PXMP2: variants seen among roughly 807,000 people sequenced by gnomAD.
The protein encoded by PXMP2 is 22 kDa peroxisomal membrane protein.
PXMP2 carries 13 observed loss-of-function variants against 20.2 expected under a neutral mutation model. The observed-to-expected ratio is 0.64, with a 90% CI of 0.42 to 1.02. The LOEUF is 1.02. PXMP2 is among the 50% of genes least tolerant of loss of function. PXMP2 has a pLI of 0.00. For synonymous variants in PXMP2, 113 were observed against 111.2 expected, an observed-to-expected ratio of 1.02 and a Z score of -0.10; for missense variants, 284 against 251.8, an observed-to-expected ratio of 1.13 and a Z score of -0.87.
At chr12:132,695,499 TA>T (rs1386713271) in intron 2 of PXMP2, among the ~76,000 whole-genome samples, 1 of 152,156 alleles carries the variant, frequency 6.6e-6, no homozygotes, top group Non-Finnish European at 1.5e-5. Flanking sequence ...GCCTGCCTTC[TA>T]GGGGGGACGA....
chr12:132,694,360 G>T (rs576868092), intron 2 of PXMP2, among the ~76,000 whole-genome samples: 3 of 73,962 alleles, frequency 4.1e-5, no homozygotes, highest in Non-Finnish European at 5.9e-5. Flanking sequence ...GTTAGTGAGC[G>T]CCCTTGCCAG....
chr12:132,704,519 G>T, intron 4 of PXMP2, 100 bp from the exon 5 acceptor site: 1 of 970,014 alleles, frequency 1.0e-6, no homozygotes. Context: ...TGGACCAGCT[G>T]ACCAACAAAC....
intron 3 of PXMP2, among the ~76,000 whole-genome samples, chr12:132,699,062 G>A (rs2043424975): frequency 6.6e-6 from 1 of 152,164 alleles, no homozygotes; most frequent in Admixed American, 6.5e-5. Context: ...CAAGTAGTCA[G>A]TGGTGATTTT....
chr12:132,703,330 G>A (rs2043453150), intron 4 of PXMP2, among the ~76,000 whole-genome samples: 1 of 152,212 alleles, frequency 6.6e-6, no homozygotes, highest in Non-Finnish European at 1.5e-5. Flanking sequence ...AGAAGGCTGG[G>A]TGGCAGAGGG....
rs957837971 is a variant in PXMP2 at position 132,687,958 on chromosome 12, C to T, written c.122+166C>T. ...CGGCGCTGAACTTCCCGCGGCGACA[C>T]CCGCGTCCGCAGTCAGCGATTGTGA... On this transcript the variant is annotated intron_variant, in intron 1 of 4. Coordinates refer to ENST00000317479, the MANE Select transcript of PXMP2 (RefSeq NM_018663.3). 8 of 628,206 alleles carry T rather than the reference C, an allele frequency of 1.3e-5. No homozygotes were observed. The African/African-American group carries it at 1.4e-4, about 11-fold the overall frequency. 38.9% of individuals were successfully genotyped at this position (628,206 alleles called of 1,614,324 possible). A position where few individuals can be genotyped will look rare whatever the true frequency, so the allele number is the denominator to read the frequency against.
At chr12:132,701,142 A>C (rs2043437553) in intron 3 of PXMP2, 108 bp from the exon 4 acceptor site, 18 of 1,502,740 alleles carry the variant, frequency 1.2e-5, no homozygotes, top group Non-Finnish European at 1.6e-5. Context: ...TACACACAGA[A>C]CAAAATCCAA....
At chr12:132,687,952 G>T in intron 1 of PXMP2, 160 bp downstream of exon 1, 1 of 660,098 alleles carries the variant, frequency 1.5e-6, no homozygotes. Context: ...ACTTCCCGCG[G>T]CGACACCCGC....
At chr12:132,700,995 C>T (rs944405309) in intron 3 of PXMP2, among the ~76,000 whole-genome samples, 4 of 152,074 alleles carry the variant, frequency 2.6e-5, no homozygotes, top group South Asian at 2.1e-4. Context: ...TCCAGTTGTC[C>T]GCAAGGAGTT....
At chr12:132,693,987 T>G (rs147613379) in intron 2 of PXMP2, among the ~76,000 whole-genome samples, 18 of 62,444 alleles carry the variant, frequency 2.9e-4, no homozygotes, top group African/African-American at 5.6e-4. Context: ...GTTAGTGAGC[T>G]CCCTTGCCAG....
chr12:132,689,177 C>G (rs1477058873), intron 1 of PXMP2, among the ~76,000 whole-genome samples: 2 of 130,560 alleles, frequency 1.5e-5, no homozygotes, highest in Non-Finnish European at 3.2e-5. Context: ...CTGCGGGGCA[C>G]GGGTAAAGAC....
intron 3 of PXMP2, among the ~76,000 whole-genome samples, chr12:132,700,183 A>G (rs1450940536): frequency 6.6e-6 from 1 of 151,374 alleles, no homozygotes; most frequent in Non-Finnish European, 1.5e-5. Flanking sequence ...CTGGGATTAC[A>G]GGCACACGCC....
At chr12:132,694,001 G>A (rs1356781040) in intron 2 of PXMP2, among the ~76,000 whole-genome samples, 1 of 109,908 alleles carries the variant, frequency 9.1e-6, no homozygotes, top group African/African-American at 3.2e-5. Context: ...TTGCCAGTTA[G>A]TTAGTGAGCT....
chr12:132,698,071 C>T (rs1013177173), intron 3 of PXMP2, among the ~76,000 whole-genome samples: 7 of 148,692 alleles, frequency 4.7e-5, no homozygotes, highest in South Asian at 2.1e-4. Context: ...GAGTGTAGTG[C>T]GTGATCTCAG....
At chr12:132,694,024 T>C (rs2043391251) in intron 2 of PXMP2, among the ~76,000 whole-genome samples, 1 of 56,040 alleles carries the variant, frequency 1.8e-5, no homozygotes, top group Non-Finnish European at 5.2e-5. Flanking sequence ...CTTAGCCAGT[T>C]AGTTAGTGAG....
At chr12:132,700,041 C>CTTTTTTTTTTTTTTTTTTTTTT (rs201949583) in intron 3 of PXMP2, among the ~76,000 whole-genome samples, 1 of 140,238 alleles carries the variant, frequency 7.1e-6, no homozygotes. Flanking sequence ...TGTTTTTTGA[C>CTTTTTTTTTTTTTTTTTTTTTT]CTTTTTTTTT....
At chr12:132,694,318 C>CT (rs1194604840) in intron 2 of PXMP2, among the ~76,000 whole-genome samples, 2 of 107,202 alleles carry the variant, frequency 1.9e-5, no homozygotes, top group African/African-American at 6.5e-5. Context: ...AGTGAGCTCC[C>CT]TTAGTCAGTT....
chr12:132,693,756 A>G (rs2043388425), intron 2 of PXMP2, among the ~76,000 whole-genome samples: 2 of 50,110 alleles, frequency 4.0e-5, no homozygotes, highest in Non-Finnish European at 1.1e-4. Context: ...GAGCTCCCTT[A>G]GCCAGTTAGT....
At chr12:132,702,814 C>T (rs916475042) in intron 4 of PXMP2, among the ~76,000 whole-genome samples, 4 of 152,188 alleles carry the variant, frequency 2.6e-5, no homozygotes, top group Non-Finnish European at 5.9e-5. Context: ...CCTGCATTAG[C>T]ACCGGCTCTG....
chr12:132,690,394 G>C lies in PXMP2; in HGVS notation c.236+18G>C, dbSNP rs376784682. Reference sequence around the variant, plus strand: ...GTTTACGGGTGAGTGCCATACAAGGGGTGGGTTTACCTTGTAGCCGCTGAG... The same window carrying C: ...GTTTACGGGTGAGTGCCATACAAGGCGTGGGTTTACCTTGTAGCCGCTGAG... On this transcript the variant is annotated intron_variant, in intron 2 of 4. Coordinates refer to ENST00000317479, the MANE Select transcript of PXMP2 (RefSeq NM_018663.3). 16 of 1,592,840 alleles carry C rather than the reference G, an allele frequency of 1.0e-5. No individual in the cohort carries two copies. In the African/African-American group the frequency reaches 2.2e-4, roughly 21 times the overall value.
Sources: allele counts gnomAD v4.1 joint callset (sites outside exome capture counted in the v4.1 genomes callset), GRCh38; gene constraint gnomAD v4.1.1; transcripts MANE v1.5; gene names NCBI Gene and HGNC (gene_info 2026-07-23, HGNC 2026-07-21).